The following ZNF385B variants were observed in gnomAD, a reference collection of about 807,000 sequenced individuals.
ZNF385B encodes zinc finger protein 385B, also known as zinc finger protein 533.
In ZNF385B, 23 loss-of-function variants were observed where a neutral mutation model predicts 39.2. That is an observed-to-expected ratio of 0.59 (90% CI 0.42 to 0.83). The LOEUF is 0.83. Among genes scored for constraint, ZNF385B ranks in the 40% least tolerant of loss-of-function variants. The pLI, the probability that ZNF385B is intolerant of heterozygous loss-of-function variation, is 0.00. For missense variants in ZNF385B, 552 were observed against 598.9 expected (o/e 0.92, Z 0.82); for synonymous variants, 205 against 222.6 (o/e 0.92, Z 0.70).
chr2:179,444,059 T>A (rs1342365955), intron 9 of ZNF385B, among the ~76,000 whole-genome samples: 1 of 152,218 alleles, frequency 6.6e-6, no homozygotes, highest in Non-Finnish European at 1.5e-5. Flanking sequence ...ACTCTCTATT[T>A]AACGGAATGC....
intron 3 of ZNF385B, among the ~76,000 whole-genome samples, chr2:179,569,937 T>C (rs989873359): frequency 1.2e-4 from 19 of 152,222 alleles, no homozygotes; most frequent in African/African-American, 4.6e-4. Flanking sequence ...AACATAGTTA[T>C]GCAACATGAC....
At chr2:179,653,053 T>A (rs975607126) in intron 3 of ZNF385B, among the ~76,000 whole-genome samples, 4 of 152,138 alleles carry the variant, frequency 2.6e-5, no homozygotes, top group Non-Finnish European at 4.4e-5. Context: ...ATTTTTTAAG[T>A]AATTGACTAA....
At chr2:179,636,075 A>G (rs1588849) in intron 3 of ZNF385B, among the ~76,000 whole-genome samples, 58,348 of 152,088 alleles carry the variant, frequency 0.38, 11,372 homozygotes, top group African/African-American at 0.46. Context: ...CATATTTTTG[A>G]TAGGTGAGAA....
intron 1 of ZNF385B, among the ~76,000 whole-genome samples, chr2:179,855,030 G>A (rs764620633): frequency 2.6e-5 from 4 of 151,852 alleles, no homozygotes; most frequent in Non-Finnish European, 5.9e-5. Context: ...AATCATGATC[G>A]AGTAGCTCTG....
At chr2:179,477,607 C>A (rs184020085) in intron 6 of ZNF385B, among the ~76,000 whole-genome samples, 1 of 152,086 alleles carries the variant, frequency 6.6e-6, no homozygotes, top group Non-Finnish European at 1.5e-5. Context: ...CTCAAGAGTA[C>A]CCCTTTGGAG....
chr2:179,476,342 T>C (rs1045537727), intron 6 of ZNF385B, among the ~76,000 whole-genome samples: 4 of 152,188 alleles, frequency 2.6e-5, no homozygotes, highest in Non-Finnish European at 5.9e-5. Context: ...TAAAAAGAGA[T>C]AAATACTAGT....
At chr2:179,820,855 GT>G (rs1279643280) in intron 1 of ZNF385B, among the ~76,000 whole-genome samples, 1 of 152,102 alleles carries the variant, frequency 6.6e-6, no homozygotes, top group East Asian at 1.9e-4. Flanking sequence ...AGAAAAAGGA[GT>G]TTTGTAAATG....
intron 3 of ZNF385B, among the ~76,000 whole-genome samples, chr2:179,580,847 A>T (rs1686418548): frequency 6.6e-6 from 1 of 152,210 alleles, no homozygotes; most frequent in African/African-American, 2.4e-5. Context: ...CATTGCAAAG[A>T]GCAGGGCCAA....
chr2:179,809,256 G>C (rs1706584515), intron 1 of ZNF385B, among the ~76,000 whole-genome samples: 1 of 152,154 alleles, frequency 6.6e-6, no homozygotes, highest in Admixed American at 6.5e-5. Context: ...GGATCAAGAA[G>C]TTATGGCATG....
At chr2:179,562,621 G>C (rs760538127) in intron 3 of ZNF385B, 148 of 982,918 alleles carry the variant, frequency 1.5e-4, no homozygotes, top group Non-Finnish European at 1.8e-4. Context: ...TGATTCCAGG[G>C]AGAGGGCAGA....
At chr2:179,581,166 A>G (rs1686468679) in intron 3 of ZNF385B, among the ~76,000 whole-genome samples, 1 of 152,234 alleles carries the variant, frequency 6.6e-6, no homozygotes, top group African/African-American at 2.4e-5. Flanking sequence ...AAGAGTAGAC[A>G]GGAGCAAAAT....
At chr2:179,814,786 C>T (rs1706959722) in intron 1 of ZNF385B, 1 of 169,832 alleles carries the variant, frequency 5.9e-6, no homozygotes, top group African/African-American at 2.4e-5. Flanking sequence ...TGGAGGACTT[C>T]TGAGATACAA....
chr2:179,494,580 C>T (rs903650503), intron 5 of ZNF385B, among the ~76,000 whole-genome samples: 1 of 151,820 alleles, frequency 6.6e-6, no homozygotes, highest in African/African-American at 2.4e-5. Context: ...AGCTAGCTAG[C>T]AATTACTTTT....
At chr2:179,861,016 C>G (rs1354750317) in intron 1 of ZNF385B, 85 bp downstream of exon 1, 1 of 167,240 alleles carries the variant, frequency 6.0e-6, no homozygotes, top group Non-Finnish European at 1.4e-5. Flanking sequence ...GGTGCAGGCT[C>G]GCTCTGCGGA....
intron 6 of ZNF385B, among the ~76,000 whole-genome samples, chr2:179,469,739 C>A (rs962575721): frequency 2.0e-5 from 3 of 152,118 alleles, no homozygotes; most frequent in African/African-American, 7.2e-5. Flanking sequence ...GGGTTTGAGG[C>A]CCAACTTAGG....
chr2:179,838,539 T>A (rs939383059), intron 1 of ZNF385B, among the ~76,000 whole-genome samples: 1 of 152,192 alleles, frequency 6.6e-6, no homozygotes, highest in African/African-American at 2.4e-5. Flanking sequence ...TTACAATACA[T>A]ACAGCTCCTT....
At chr2:179,758,842 C>T (rs563046566) in intron 3 of ZNF385B, among the ~76,000 whole-genome samples, 74 of 152,268 alleles carry the variant, frequency 4.9e-4, no homozygotes, top group Admixed American at 1.2e-3. Context: ...CCAATGAGTC[C>T]GGCACAAGAA....
In ZNF385B at chr2:179,443,556, A is replaced by C. The variant is rs1245313531; in HGVS notation, c.1243-88T>G. ...GCATCTTTTCATAAGTAAAACACCA[A>C]CATTAAGAAGTCTTAAATTTTGAAA... is the stretch of plus-strand genomic sequence containing the variant. On this transcript the variant is annotated intron_variant, in intron 9 of 9. Coordinates refer to ENST00000410066, the MANE Select transcript of ZNF385B (RefSeq NM_152520.6). 2.7e-5 allele frequency: 27 copies of C among 995,340 alleles called. No homozygotes were observed. In the East Asian group the frequency reaches 4.2e-4, roughly 15 times the overall value. 61.7% of individuals were successfully genotyped at this position (995,340 alleles called of 1,614,324 possible).
chr2:179,602,564 A>G (rs899525650), intron 3 of ZNF385B, among the ~76,000 whole-genome samples: 4 of 152,128 alleles, frequency 2.6e-5, no homozygotes, highest in African/African-American at 9.7e-5. Flanking sequence ...AAGACTGCTA[A>G]TTGGAATTAC....
Sources: gnomAD v4.1 joint callset for allele counts (sites outside exome capture counted in the v4.1 genomes callset) on GRCh38, gnomAD v4.1.1 for gene constraint, MANE v1.5 for transcripts, NCBI Gene and HGNC (gene_info 2026-07-23, HGNC 2026-07-21) for gene names.